The following FGF12 variants were observed in gnomAD, a reference collection of about 807,000 sequenced individuals.
FGF12 encodes fibroblast growth factor 12.
In FGF12, 14 loss-of-function variants were observed where a neutral mutation model predicts 23.6. That is an observed-to-expected ratio of 0.59 (90% confidence interval 0.39 to 0.93). FGF12 has a LOEUF of 0.93. Ranked by LOEUF, FGF12 falls within the 40% of genes least tolerant of loss-of-function variation. The pLI is 0.00. For missense variants in FGF12, 175 were observed against 217.8 expected (o/e 0.80, Z 1.24); for synonymous variants, 62 against 77.3 (o/e 0.80, Z 1.04).
At chr3:192,247,728 AG>A (rs1711719020) in intron 4 of FGF12, among the ~76,000 whole-genome samples, 3 of 152,226 alleles carry the variant, frequency 2.0e-5, no homozygotes, top group Admixed American at 6.5e-5. Context: ...AAAGATTTAT[AG>A]AAAAAACAGT....
chr3:192,306,963 A>G (rs577611558), intron 4 of FGF12, among the ~76,000 whole-genome samples: 14 of 152,198 alleles, frequency 9.2e-5, no homozygotes, highest in Non-Finnish European at 1.8e-4. Context: ...TTTACTTAAA[A>G]TGAGAAAAGT....
At chr3:192,187,897 G>T (rs947130882) in intron 4 of FGF12, among the ~76,000 whole-genome samples, 1 of 152,154 alleles carries the variant, frequency 6.6e-6, no homozygotes, top group Non-Finnish European at 1.5e-5. Context: ...GACATGGGGG[G>T]TCAACTGTGG....
chr3:192,273,565 T>C lies in FGF12; in HGVS notation c.228+61796A>G, dbSNP rs79304892. ...ACGCAGCATCTCTTGGCATTATTGG[T>C]TGTTTGCACATCCATGTCTGTAGCT... On this transcript the variant is annotated intron_variant, in intron 4 of 5. Coordinates refer to ENST00000445105, the MANE Select transcript of FGF12 (RefSeq NM_004113.6). Among the ~76,000 whole-genome samples the C allele has an allele frequency of 6.0e-3, 915 of 152,242 alleles. 8 individuals are homozygous for C. The highest frequency in any genetic ancestry group is 0.021 in the African/African-American group (864 of 41,538).
chr3:192,438,618 G>A (rs1181624316), intron 2 of FGF12, among the ~76,000 whole-genome samples: 3 of 152,182 alleles, frequency 2.0e-5, no homozygotes, highest in Non-Finnish European at 4.4e-5. Flanking sequence ...AAAAGCCAGG[G>A]AAGGGTACCC....
chr3:192,305,478 GT>G (rs1202233711), intron 4 of FGF12, among the ~76,000 whole-genome samples: 1 of 151,798 alleles, frequency 6.6e-6, no homozygotes, highest in Admixed American at 6.6e-5. Flanking sequence ...CTACACGTCA[GT>G]TTGCTCGAGT....
At chr3:192,207,225 G>A (rs1448157459) in intron 4 of FGF12, among the ~76,000 whole-genome samples, 2 of 152,148 alleles carry the variant, frequency 1.3e-5, no homozygotes, top group Non-Finnish European at 2.9e-5. Context: ...AGAGCATATA[G>A]TTTCTGGGAT....
At chr3:192,671,902 G>T (rs1371000318) in intron 2 of FGF12, among the ~76,000 whole-genome samples, 2 of 151,994 alleles carry the variant, frequency 1.3e-5, no homozygotes, top group African/African-American at 4.8e-5. Flanking sequence ...TTAGTTTAAA[G>T]GAATAAATAA....
intron 4 of FGF12, among the ~76,000 whole-genome samples, chr3:192,176,309 T>C (rs12490351): frequency 0.04 from 6,143 of 152,274 alleles, 184 homozygotes; most frequent in Admixed American, 0.057. Context: ...TCCTTCCTTT[T>C]GCTTCTCATA....
In FGF12 at chr3:192,433,703, T is replaced by C. The variant is rs562864369; in HGVS notation, c.14-73165A>G. 6.6e-5 allele frequency among the ~76,000 whole-genome samples: 10 copies of C among 152,378 alleles called. No individual in the cohort carries two copies. The South Asian group carries it at 2.1e-3, about 32-fold the overall frequency. ...AACGTCATGTAAATATTTAGACTAG[T>C]ATCAAATTTGATTTTAAAACAAACT... is the stretch of plus-strand genomic sequence containing the variant. On this transcript the variant is annotated intron_variant, in intron 2 of 5. Coordinates refer to ENST00000445105, the MANE Select transcript of FGF12 (RefSeq NM_004113.6).
chr3:192,305,679 A>AATATATAT (rs1241285508), intron 4 of FGF12, among the ~76,000 whole-genome samples: 20 of 131,932 alleles, frequency 1.5e-4, no homozygotes, highest in South Asian at 1.0e-3. Flanking sequence ...AAAAAAAAAA[A>AATATATAT]ATATATATAT....
intron 2 of FGF12, among the ~76,000 whole-genome samples, chr3:192,717,803 C>G (rs937240265): frequency 6.6e-6 from 1 of 152,156 alleles, no homozygotes; most frequent in African/African-American, 2.4e-5. Flanking sequence ...GTCATAAACA[C>G]TTCTGATTAT....
intron 2 of FGF12, among the ~76,000 whole-genome samples, chr3:192,509,483 T>G (rs1358184829): frequency 1.3e-5 from 2 of 152,228 alleles, no homozygotes; most frequent in Admixed American, 1.3e-4. Context: ...AGATAACTCT[T>G]CCTCTCCTAG....
chr3:192,164,174 T>A (rs903808301), intron 5 of FGF12, among the ~76,000 whole-genome samples: 4 of 152,134 alleles, frequency 2.6e-5, no homozygotes, highest in African/African-American at 9.7e-5. Flanking sequence ...GACTGCTATA[T>A]CTGATGCTAA....
intron 4 of FGF12, among the ~76,000 whole-genome samples, chr3:192,179,141 A>T (rs1716024473): frequency 6.6e-6 from 1 of 152,214 alleles, no homozygotes; most frequent in Non-Finnish European, 1.5e-5. Flanking sequence ...GAAAATGCCA[A>T]ATTACATTAT....
intron 2 of FGF12, among the ~76,000 whole-genome samples, chr3:192,705,046 T>C (rs1205499912): frequency 6.6e-6 from 1 of 152,238 alleles, no homozygotes; most frequent in African/African-American, 2.4e-5. Flanking sequence ...TCTATCCAGA[T>C]CACTACAACT....
At chr3:192,689,612 A>G (rs1717877689) in intron 2 of FGF12, among the ~76,000 whole-genome samples, 1 of 152,026 alleles carries the variant, frequency 6.6e-6, no homozygotes, top group Non-Finnish European at 1.5e-5. Flanking sequence ...GTTTTATATC[A>G]TATAGTAAGA....
At chr3:192,370,415 C>T (rs1719176147) in intron 2 of FGF12, among the ~76,000 whole-genome samples, 1 of 152,086 alleles carries the variant, frequency 6.6e-6, no homozygotes, top group Non-Finnish European at 1.5e-5. Flanking sequence ...TGGTGGTGCA[C>T]ACCCGCAGTC....
chr3:192,231,812 G>GA (rs1418944427), intron 4 of FGF12, among the ~76,000 whole-genome samples: 103 of 149,622 alleles, frequency 6.9e-4, no homozygotes, highest in African/African-American at 1.7e-3. Flanking sequence ...ACGTTCAATA[G>GA]GAAAAAAAAA....
chr3:192,611,455 T>C (rs1356183552), intron 2 of FGF12, among the ~76,000 whole-genome samples: 4 of 152,058 alleles, frequency 2.6e-5, no homozygotes, highest in Admixed American at 6.6e-5. Context: ...AAATATCTAT[T>C]GAGAATCTAT....
Sources: gnomAD v4.1 joint callset for allele counts (sites outside exome capture counted in the v4.1 genomes callset) on GRCh38, gnomAD v4.1.1 for gene constraint, MANE v1.5 for transcripts, NCBI Gene and HGNC (gene_info 2026-07-23, HGNC 2026-07-21) for gene names.